Variants in TBCD observed in about 807,000 individuals in gnomAD.
TBCD encodes the protein tubulin-specific chaperone D.
TBCD carries 105 observed loss-of-function variants against 169.3 expected under a neutral mutation model. The ratio of observed to expected loss-of-function variants is 0.62; its 90% CI spans 0.53 to 0.73. The LOEUF is 0.73. Ranked by LOEUF, TBCD falls within the 30% of genes least tolerant of loss-of-function variation. The pLI is 0.00. For synonymous variants in TBCD, 700 were observed against 643.9 expected, an observed-to-expected ratio of 1.09 and a Z score of -1.32; for missense variants, 1,444 against 1,600.1, an observed-to-expected ratio of 0.90 and a Z score of 1.66.
chr17:82,765,627 CCT>C (rs1275896032), intron 3 of TBCD, among the ~76,000 whole-genome samples: 1 of 152,198 alleles, frequency 6.6e-6, no homozygotes, highest in Non-Finnish European at 1.5e-5. Flanking sequence ...CTCTGTAGCT[CCT>C]CTGTTTGAGG....
intron 2 of TBCD, among the ~76,000 whole-genome samples, chr17:82,763,587 A>G (rs1414770090): frequency 6.6e-6 from 1 of 152,110 alleles, no homozygotes; most frequent in Non-Finnish European, 1.5e-5. Context: ...CTAAAAATAC[A>G]AAAATTAGCC....
chr17:82,875,353 A>C (rs2146077793), intron 14 of TBCD, among the ~76,000 whole-genome samples: 1 of 152,348 alleles, frequency 6.6e-6, no homozygotes, highest in South Asian at 2.1e-4. Context: ...AGTGGGACAG[A>C]GTGGTTATGT....
At chr17:82,879,980 A>AG (rs2058247023) in intron 14 of TBCD, among the ~76,000 whole-genome samples, 1 of 151,682 alleles carries the variant, frequency 6.6e-6, no homozygotes. Flanking sequence ...CTGGAGGCTC[A>AG]GGGGGGCTCA....
intron 1 of TBCD, among the ~76,000 whole-genome samples, chr17:82,754,157 T>A (rs1159726763): frequency 6.6e-6 from 1 of 152,106 alleles, no homozygotes; most frequent in East Asian, 1.9e-4. Context: ...CACGCCCGGC[T>A]GGAGTTTTAT....
At chr17:82,756,931 C>T (rs2047432869) in intron 2 of TBCD, among the ~76,000 whole-genome samples, 1 of 152,214 alleles carries the variant, frequency 6.6e-6, no homozygotes, top group Admixed American at 6.5e-5. Context: ...TTGTCATCTC[C>T]AGTTTACAGA....
At position 82,892,509 on chromosome 17, in the gene TBCD, T is replaced by C. The variant is rs548127609; in HGVS notation, c.1564-1038T>C. Among the ~76,000 whole-genome samples, 235 of 152,258 alleles carry C rather than the reference T, an allele frequency of 1.5e-3. 2 individuals carry two copies. Among genetic ancestry groups the C allele is most frequent in the Non-Finnish European group, 1.7e-3 (119 of 68,022 alleles). Reference sequence around the variant, plus strand: ...GATTTGCTGGAAGAAAGCCGCATGGTACCTGCTCATTCCGGCCTCTCCTGG... The same window carrying C: ...GATTTGCTGGAAGAAAGCCGCATGGCACCTGCTCATTCCGGCCTCTCCTGG... On this transcript the variant is annotated intron_variant, in intron 16 of 38. Transcript: ENST00000355528.
intron 17 of TBCD, among the ~76,000 whole-genome samples, chr17:82,896,453 G>GTTTT (rs1014108505): frequency 9.8e-4 from 90 of 91,426 alleles, no homozygotes; most frequent in African/African-American, 3.3e-3. Context: ...TGTGCTGTCA[G>GTTTT]TTTTTTTTTT....
Position 82,768,437 on chromosome 17 carries a change from C to T in TBCD, c.453C>T (p.Tyr151=), listed in dbSNP as rs530447997. ...PKDHEAWETR[Y]MLLLWLSVTC... is the part of the protein sequence containing the mutation. ...TTTTTTAGGCTTGGGAAACCCGCTA[C>T]ATGCTTTTGCTCTGGCTCTCCGTGA... Residue 151 remains tyrosine, a synonymous_variant, in exon 5 of 39, where the codon TAC becomes TAT. Coordinates refer to ENST00000355528, the MANE Select transcript of TBCD (RefSeq NM_005993.5). 1.2e-6 allele frequency: 2 copies of T among 1,614,020 alleles called. No individual in the cohort carries two copies. The highest frequency in any genetic ancestry group is 1.3e-5 in the African/African-American group (1 of 75,058).
intron 13 of TBCD, chr17:82,838,896 G>T: frequency 1.0e-6 from 1 of 985,412 alleles, no homozygotes; most frequent in South Asian, 4.7e-5. Context: ...GGTCAGAAAT[G>T]CTGGAAGGCC....
chr17:82,830,799 C>T lies in TBCD; in HGVS notation c.1318+15865C>T, dbSNP rs762203571. ...GGGGGCCCATCCCGGAGCTGTCGTC[C>T]GGACTGGAAGGCGCGGCCTCCGAGA... On this transcript the variant is annotated intron_variant, in intron 13 of 38. Transcript: ENST00000355528. 69 of 1,613,400 alleles carry T rather than the reference C, an allele frequency of 4.3e-5. No individual in the cohort carries two copies. The Admixed American group carries it at 1.0e-3, about 23-fold the overall frequency.
intron 35 of TBCD, 169 bp from the exon 36 acceptor site, chr17:82,937,878 GCA>G (rs1468003911): frequency 5.3e-6 from 8 of 1,518,106 alleles, no homozygotes; most frequent in Middle Eastern, 1.7e-4. Context: ...GTGTGTGTAG[GCA>G]CAGTGCAGAT....
intron 35 of TBCD, chr17:82,937,776 G>A: frequency 8.3e-7 from 1 of 1,204,806 alleles, no homozygotes; most frequent in South Asian, 1.6e-5. Context: ...GCTCCTTGAG[G>A]TGGGGGTCCT....
chr17:82,912,306 C>G (rs567713023), intron 23 of TBCD, among the ~76,000 whole-genome samples: 1 of 152,364 alleles, frequency 6.6e-6, no homozygotes, highest in South Asian at 2.1e-4. Flanking sequence ...GCGCCTGATT[C>G]CCAAGCCTCT....
intron 7 of TBCD, among the ~76,000 whole-genome samples, chr17:82,794,852 T>G (rs892586512): frequency 1.3e-5 from 2 of 152,240 alleles, no homozygotes; most frequent in African/African-American, 4.8e-5. Flanking sequence ...CCTGTGTAAT[T>G]CAGCTGGAAA....
chr17:82,787,370 C>G (rs941664139), intron 7 of TBCD, among the ~76,000 whole-genome samples: 6 of 152,224 alleles, frequency 3.9e-5, no homozygotes, highest in African/African-American at 1.2e-4. Flanking sequence ...GGGCTTCTGG[C>G]AGCTCCTGGG....
In TBCD at chr17:82,903,273, G is replaced by A. The variant is rs1017147555; in HGVS notation, c.1731-132G>A. 2 of 774,270 alleles carry A rather than the reference G, an allele frequency of 2.6e-6. No homozygotes were observed. Among genetic ancestry groups the A allele is most frequent in the African/African-American group, 1.7e-5 (1 of 57,984 alleles). The allele number at this position is 774,270 out of a possible 1,614,324, so 48.0% of individuals were successfully genotyped here. On this transcript the variant is annotated intron_variant, in intron 18 of 38. Transcript: ENST00000355528. The surrounding 1 kb of genome is among the most constrained non-coding windows in gnomAD (Gnocchi z 4.8). Reference sequence around the variant, plus strand: ...GAGGTTCTTGTACTGGTTCGTGTGAGTGAGTGAGTGAGCCTCTGCTAAGTG... The same window carrying A: ...GAGGTTCTTGTACTGGTTCGTGTGAATGAGTGAGTGAGCCTCTGCTAAGTG...
At position 82,806,899 on chromosome 17, in the gene TBCD, C is replaced by T. The variant is rs777194076; in HGVS notation, c.1088-709C>T. ...GTGCTGGGCGGCTCTGAGTCCCGGGCGGGGCCCTGGGTCTGCCCCTTCCCC... is the reference window on the plus strand; with the variant it reads ...GTGCTGGGCGGCTCTGAGTCCCGGGTGGGGCCCTGGGTCTGCCCCTTCCCC... On this transcript the variant is annotated intron_variant, in intron 10 of 38. Transcript: ENST00000355528. The surrounding 1 kb of genome is among the most constrained non-coding windows in gnomAD (Gnocchi z 5.1). Among the ~76,000 whole-genome samples the T allele has an allele frequency of 3.3e-5, 5 of 152,220 alleles. No individual in the cohort carries two copies. The highest frequency in any genetic ancestry group is 1.9e-4 in the East Asian group (1 of 5,184).
At chr17:82,788,440 C>T (rs2049464245) in intron 7 of TBCD, among the ~76,000 whole-genome samples, 1 of 152,072 alleles carries the variant, frequency 6.6e-6, no homozygotes, top group Non-Finnish European at 1.5e-5. Context: ...GGGCTGTTGA[C>T]TATGAAAGTG....
chr17:82,921,229 A>G (rs2061403410), intron 24 of TBCD: 7 of 526,470 alleles, frequency 1.3e-5, no homozygotes, highest in Non-Finnish European at 2.4e-5. Context: ...AGGGGTAACA[A>G]AAGAATAAAA....
Sources: allele counts gnomAD v4.1 joint callset (sites outside exome capture counted in the v4.1 genomes callset), GRCh38; gene constraint gnomAD v4.1.1; non-coding constraint Gnocchi (gnomAD v3.1); transcripts MANE v1.5; gene names NCBI Gene and HGNC (gene_info 2026-07-23, HGNC 2026-07-21).